Variants in CTNNA3 observed in about 807,000 individuals in gnomAD.
The protein encoded by CTNNA3 is catenin alpha-3.
Under a neutral mutation model 95.7 loss-of-function variants are expected in CTNNA3, and 76 were observed. That is an observed-to-expected ratio of 0.79 (90% CI 0.66 to 0.96). The LOEUF (loss-of-function observed/expected upper bound fraction) is 0.96. Ranked by LOEUF, CTNNA3 falls within the 40% of genes least tolerant of loss-of-function variation. The pLI is 0.00. For missense variants in CTNNA3, 1,191 were observed against 1,089.8 expected (o/e 1.09, Z -1.31); for synonymous variants, 431 against 374.4 (o/e 1.15, Z -1.74).
At chr10:67,483,087 G>A (rs1250068121) in intron 5 of CTNNA3, among the ~76,000 whole-genome samples, 1 of 151,938 alleles carries the variant, frequency 6.6e-6, no homozygotes, top group Non-Finnish European at 1.5e-5. Context: ...ACACCAGTTA[G>A]AATGGCAATC....
intron 11 of CTNNA3, among the ~76,000 whole-genome samples, chr10:66,434,892 A>G (rs1040675137): frequency 5.3e-5 from 8 of 150,978 alleles, no homozygotes; most frequent in African/African-American, 2.0e-4. Context: ...TTTTGCATCT[A>G]TTGAGATAAT....
intron 13 of CTNNA3, among the ~76,000 whole-genome samples, chr10:66,242,308 C>T (rs887327063): frequency 6.6e-6 from 1 of 152,128 alleles, no homozygotes; most frequent in African/African-American, 2.4e-5. Flanking sequence ...ACAGCATTAA[C>T]CGTTAAAAAT....
In CTNNA3 at chr10:65,944,228, C is replaced by A. The variant is rs1342485134; in HGVS notation, c.2400+22384G>T. Reference sequence around the variant, plus strand: ...AAATAGTCCCAATATTTGCACAGATCCCTCAAAGAGAAACAAACTACAGTT... The same window carrying A: ...AAATAGTCCCAATATTTGCACAGATACCTCAAAGAGAAACAAACTACAGTT... On this transcript the variant is annotated intron_variant, in intron 17 of 17. Coordinates refer to ENST00000433211, the MANE Select transcript of CTNNA3 (RefSeq NM_013266.4). Among the ~76,000 whole-genome samples, 6 of 152,326 alleles carry A rather than the reference C, an allele frequency of 3.9e-5. No homozygotes were observed. The South Asian group carries it at 1.2e-3, about 32-fold the overall frequency.
chr10:65,925,302 A>C (rs933077892), intron 17 of CTNNA3, among the ~76,000 whole-genome samples: 1 of 152,180 alleles, frequency 6.6e-6, no homozygotes. Context: ...AATAAAATCG[A>C]AACAGTAAAA....
intron 5 of CTNNA3, among the ~76,000 whole-genome samples, chr10:67,311,098 C>T (rs377485107): frequency 5.9e-5 from 9 of 152,126 alleles, no homozygotes; most frequent in Middle Eastern, 3.4e-3. Context: ...GTACCTTCTG[C>T]GCCTTAAAAG....
At chr10:67,601,247 G>A (rs191933313) in intron 3 of CTNNA3, among the ~76,000 whole-genome samples, 10 of 152,246 alleles carry the variant, frequency 6.6e-5, no homozygotes, top group South Asian at 2.1e-4. Flanking sequence ...ACCAGAAACC[G>A]GTTTCATGGA....
chr10:66,679,414 A>T (rs1239023286), intron 9 of CTNNA3, among the ~76,000 whole-genome samples: 4 of 152,216 alleles, frequency 2.6e-5, no homozygotes, highest in Non-Finnish European at 4.4e-5. Flanking sequence ...GATTTAAATA[A>T]GTTAAATTCA....
chr10:66,737,726 C>A (rs1291637167), intron 9 of CTNNA3, among the ~76,000 whole-genome samples: 1 of 151,290 alleles, frequency 6.6e-6, no homozygotes, highest in Non-Finnish European at 1.5e-5. Context: ...CTGGTGTGAT[C>A]ATGGCTCACC....
intron 5 of CTNNA3, among the ~76,000 whole-genome samples, chr10:67,504,280 A>G (rs866648618): frequency 1.4e-4 from 21 of 150,590 alleles, no homozygotes; most frequent in South Asian, 2.1e-4. Flanking sequence ...GTGAAACCCC[A>G]TCTCTACTAA....
intron 7 of CTNNA3, among the ~76,000 whole-genome samples, chr10:66,993,827 C>T (rs1851176811): frequency 1.3e-5 from 2 of 151,854 alleles, no homozygotes; most frequent in African/African-American, 4.8e-5. Flanking sequence ...TTGGTTAGGT[C>T]TTCTTTTATG....
rs572839490 is a variant in CTNNA3 at position 66,841,258 on chromosome 10, T to C, written c.1048-65734A>G. Among the ~76,000 whole-genome samples, 194 of 151,672 alleles carry C rather than the reference T, an allele frequency of 1.3e-3. 1 individual carries two copies. Among genetic ancestry groups the C allele is most frequent in the African/African-American group, 4.7e-3 (193 of 40,952 alleles). On this transcript the variant is annotated intron_variant, in intron 7 of 17. Transcript: ENST00000433211. ...TTACAAACGGTGTAACTGCAGTATA[T>C]GTAGGGTTGATACTGTTTAAAGTAT...
chr10:67,214,120 T>G (rs1388875918), intron 6 of CTNNA3, among the ~76,000 whole-genome samples: 1 of 151,848 alleles, frequency 6.6e-6, no homozygotes, highest in African/African-American at 2.4e-5. Context: ...CCTTTTTACA[T>G]TTATTATGAT....
At chr10:66,238,000 A>G (rs2132030190) in intron 13 of CTNNA3, among the ~76,000 whole-genome samples, 1 of 152,184 alleles carries the variant, frequency 6.6e-6, no homozygotes, top group African/African-American at 2.4e-5. Context: ...TGTCATAGAA[A>G]CTATGCTTAT....
chr10:67,636,188 T>A (rs7897995), intron 2 of CTNNA3, among the ~76,000 whole-genome samples: 38,773 of 151,910 alleles, frequency 0.26, 8,368 homozygotes, highest in African/African-American at 0.57. Flanking sequence ...AAACGGAAAA[T>A]CATTCCATCC....
At chr10:66,648,325 C>T (rs1345807783) in intron 9 of CTNNA3, among the ~76,000 whole-genome samples, 11 of 152,120 alleles carry the variant, frequency 7.2e-5, no homozygotes, top group Non-Finnish European at 5.9e-5. Flanking sequence ...TGCGGGAAAT[C>T]ACTCTGGCCC....
At chr10:66,130,005 C>A (rs538019669) in intron 13 of CTNNA3, among the ~76,000 whole-genome samples, 1 of 152,274 alleles carries the variant, frequency 6.6e-6, no homozygotes, top group African/African-American at 2.4e-5. Flanking sequence ...GGAGCATTGG[C>A]AGGCATGAAA....
At chr10:66,803,150 A>G (rs1418761865) in intron 7 of CTNNA3, among the ~76,000 whole-genome samples, 1 of 152,026 alleles carries the variant, frequency 6.6e-6, no homozygotes, top group East Asian at 1.9e-4. Flanking sequence ...CATCGTTTTT[A>G]TCTTCTTACA....
At position 66,077,816 on chromosome 10, in the gene CTNNA3, T is replaced by C. The variant is rs1423639419; in HGVS notation, c.1978-8327A>G. Among the ~76,000 whole-genome samples the C allele has an allele frequency of 2.6e-5, 4 of 151,732 alleles. No homozygotes were observed. The South Asian group carries it at 8.3e-4, about 31-fold the overall frequency. On this transcript the variant is annotated intron_variant, in intron 14 of 17. Transcript: ENST00000433211. ...GCCATATAGTTATTGCAATATATAT[T>C]TTATCCAGAAGGTGAAGATCCAAGC... is the stretch of plus-strand genomic sequence containing the variant.
At chr10:67,571,211 G>T (rs1841963632) in intron 3 of CTNNA3, among the ~76,000 whole-genome samples, 1 of 152,078 alleles carries the variant, frequency 6.6e-6, no homozygotes, top group Non-Finnish European at 1.5e-5. Context: ...AATCTAGAAA[G>T]AAAAAATGAT....
Sources: allele counts gnomAD v4.1 joint callset (sites outside exome capture counted in the v4.1 genomes callset), GRCh38; gene constraint gnomAD v4.1.1; transcripts MANE v1.5; gene names NCBI Gene and HGNC (gene_info 2026-07-23, HGNC 2026-07-21).